Variants in SETBP1 observed in about 807,000 individuals in gnomAD.
SETBP1 encodes SET-binding protein.
Under a neutral mutation model 101.0 loss-of-function variants are expected in SETBP1, and 9 were observed. The ratio of observed to expected loss-of-function variants is 0.09; its 90% CI spans 0.05 to 0.16. The LOEUF (loss-of-function observed/expected upper bound fraction) is 0.16, where lower values mean the gene tolerates loss of function less well. Ranked by LOEUF, SETBP1 falls within the 10% of genes least tolerant of loss-of-function variation. The pLI is 1.00. For missense variants in SETBP1, 1,858 were observed against 2,033.8 expected (o/e 0.91, Z 1.66); for synonymous variants, 818 against 788.5 (o/e 1.04, Z -0.63).
chr18:44,787,005 G>C (rs1197241415), intron 2 of SETBP1, among the ~76,000 whole-genome samples: 10 of 152,214 alleles, frequency 6.6e-5, no homozygotes, highest in Non-Finnish European at 1.3e-4. Flanking sequence ...ATCAAGAAGG[G>C]AGAACATTTT....
chr18:44,999,438 T>C (rs1568019262), intron 4 of SETBP1, among the ~76,000 whole-genome samples: 1 of 152,238 alleles, frequency 6.6e-6, no homozygotes, highest in African/African-American at 2.4e-5. Context: ...TTATATATTA[T>C]GCAGTGTGCG....
intron 4 of SETBP1, among the ~76,000 whole-genome samples, chr18:45,018,827 C>T (rs17795516): frequency 0.19 from 29,161 of 152,108 alleles, 3,124 homozygotes; most frequent in Middle Eastern, 0.32. Context: ...GCAAAATTTA[C>T]GGAGCTATGG....
chr18:44,788,571 C>T (rs897109660), intron 2 of SETBP1, among the ~76,000 whole-genome samples: 2 of 152,088 alleles, frequency 1.3e-5, no homozygotes, highest in Admixed American at 1.3e-4. Context: ...TCTGTGCAGG[C>T]TCAAGACCTT....
At chr18:45,058,169 C>T (rs1367664217) in intron 5 of SETBP1, among the ~76,000 whole-genome samples, 3 of 152,076 alleles carry the variant, frequency 2.0e-5, no homozygotes, top group Non-Finnish European at 4.4e-5. Flanking sequence ...TTAAAACTAA[C>T]AAAGAGCAGG....
At chr18:44,681,744 C>T (rs1235590826) in intron 1 of SETBP1, among the ~76,000 whole-genome samples, 3 of 152,116 alleles carry the variant, frequency 2.0e-5, no homozygotes, top group African/African-American at 7.2e-5. Context: ...GTTGGATTCT[C>T]AGGGTGTGTA....
At chr18:44,685,162 C>T (rs954147132) in intron 1 of SETBP1, among the ~76,000 whole-genome samples, 2 of 152,054 alleles carry the variant, frequency 1.3e-5, no homozygotes, top group Non-Finnish European at 2.9e-5. Context: ...CTGAGCTGAC[C>T]CTCAGGTAGG....
intron 2 of SETBP1, among the ~76,000 whole-genome samples, chr18:44,732,190 T>A (rs749656461): frequency 6.6e-6 from 1 of 152,198 alleles, no homozygotes; most frequent in African/African-American, 2.4e-5. Flanking sequence ...AGATAGACGA[T>A]CACATACCCT....
In SETBP1 at chr18:44,740,313, G is replaced by A. The variant is rs146636270; in HGVS notation, c.486+38481G>A. Among the ~76,000 whole-genome samples the A allele has an allele frequency of 7.6e-3, 1,155 of 152,222 alleles. 16 individuals carry two copies. Among genetic ancestry groups the A allele is most frequent in the African/African-American group, 0.026 (1,074 of 41,516 alleles). ...ACGATATTACCTATTACACATTGTG[G>A]CCATTACAGTGTGCACACCAGGGGA... On this transcript the variant is annotated intron_variant, in intron 2 of 5. Coordinates refer to ENST00000649279, the MANE Select transcript of SETBP1 (RefSeq NM_015559.3).
rs563366481 is a variant in SETBP1, at chr18:45,010,196, C to T, written c.4001-28289C>T. Among the ~76,000 whole-genome samples the T allele has an allele frequency of 2.0e-4, 31 of 152,306 alleles. No homozygotes were observed. The South Asian group carries it at 6.0e-3, about 30-fold the overall frequency. On this transcript the variant is annotated intron_variant, in intron 4 of 5. Coordinates refer to ENST00000649279, the MANE Select transcript of SETBP1 (RefSeq NM_015559.3). ...TGAACTGCTGTGGCTCTTGGAGATT[C>T]AGGCTAAGTGAGACATCAAGGGTGG...
At chr18:44,718,116 G>T (rs548892845) in intron 2 of SETBP1, among the ~76,000 whole-genome samples, 8 of 152,170 alleles carry the variant, frequency 5.3e-5, no homozygotes, top group South Asian at 2.1e-4. Context: ...GTTCATTTTT[G>T]AATATAATCC....
At chr18:44,812,202 A>T (rs932651707) in intron 2 of SETBP1, among the ~76,000 whole-genome samples, 1 of 152,064 alleles carries the variant, frequency 6.6e-6, no homozygotes, top group African/African-American at 2.4e-5. Flanking sequence ...CCCATGGCAC[A>T]TGCACACCCC....
In SETBP1 at chr18:44,950,971, G is replaced by A. The variant is rs201672132; in HGVS notation, c.1631G>A (p.Arg544Gln). 1.6e-5 allele frequency: 26 copies of A among 1,614,072 alleles called. No individual in the cohort carries two copies. Among genetic ancestry groups the A allele is most frequent in the Admixed American group, 5.0e-5 (3 of 60,026 alleles). ...AAACCAAAACCTAGCACCATGCTTC[G>A]AGAGGCAGTTATGGCCACCTCTGAT... ...CSKPKPSTML[R>Q]EAVMATSDKL... is the part of the protein sequence containing the mutation. The change falls in exon 4 of 6, where the codon CGA (arginine) becomes CAA (glutamine). Residue 544 changes from arginine (R) to glutamine (Q), a missense_variant. By Grantham distance (43) the Arg-to-Gln change is conservative. Coordinates refer to ENST00000649279, the MANE Select transcript of SETBP1 (RefSeq NM_015559.3).
At chr18:45,018,839 A>T (rs1031429851) in intron 4 of SETBP1, among the ~76,000 whole-genome samples, 1 of 152,214 alleles carries the variant, frequency 6.6e-6, no homozygotes, top group Non-Finnish European at 1.5e-5. Flanking sequence ...GAGCTATGGC[A>T]TAGGCTCATG....
chr18:44,873,564 G>GGC (rs1401979467), intron 3 of SETBP1, among the ~76,000 whole-genome samples: 3 of 152,146 alleles, frequency 2.0e-5, no homozygotes, highest in African/African-American at 7.2e-5. Context: ...AAAAAAGTGA[G>GGC]GCAGTGGACT....
rs557482972 is a variant in SETBP1 at position 45,044,762 on chromosome 18, G to A, written c.4171+6107G>A. Among the ~76,000 whole-genome samples, 10 of 152,232 alleles carry A rather than the reference G, an allele frequency of 6.6e-5. No homozygotes were observed. The South Asian group carries it at 1.9e-3, about 28-fold the overall frequency. ...TCAAAAAACTAAAGTTATTTCAAAG[G>A]TTCATTCAACTCTTTAATGCAGAAG... On this transcript the variant is annotated intron_variant, in intron 5 of 5. Coordinates refer to ENST00000649279, the MANE Select transcript of SETBP1 (RefSeq NM_015559.3).
chr18:44,767,284 G>T (rs1218895945), intron 2 of SETBP1, among the ~76,000 whole-genome samples: 17 of 152,032 alleles, frequency 1.1e-4, no homozygotes, highest in Admixed American at 1.1e-3. Flanking sequence ...TTACTAGTGT[G>T]AGTGTTTTCT....
At chr18:44,961,949 C>T (rs1178153974) in intron 4 of SETBP1, among the ~76,000 whole-genome samples, 1 of 152,164 alleles carries the variant, frequency 6.6e-6, no homozygotes, top group Non-Finnish European at 1.5e-5. Flanking sequence ...TCTTACAGAG[C>T]TTTTTACTAT....
chr18:44,699,354 C>G (rs894763032), intron 1 of SETBP1, among the ~76,000 whole-genome samples: 2 of 152,164 alleles, frequency 1.3e-5, no homozygotes, highest in African/African-American at 4.8e-5. Flanking sequence ...TCCTAAGGTA[C>G]ATTGATGTCT....
chr18:45,063,809 C>A lies in SETBP1; in HGVS notation c.*111C>A. 7.8e-7 allele frequency: 1 copy of A among 1,281,742 alleles called. No homozygotes were observed. 79.4% of individuals were successfully genotyped at this position (1,281,742 alleles called of 1,614,324 possible). ...TGCAGGGACACCCACGCCCTTCTCTCCAGAAGCCGGGCAGGCAGAATCCGG... is the reference window on the plus strand; with the variant it reads ...TGCAGGGACACCCACGCCCTTCTCTACAGAAGCCGGGCAGGCAGAATCCGG... On this transcript the variant is annotated 3_prime_UTR_variant, in exon 6 of 6. Coordinates refer to ENST00000649279, the MANE Select transcript of SETBP1 (RefSeq NM_015559.3).
Sources: allele counts gnomAD v4.1 joint callset (sites outside exome capture counted in the v4.1 genomes callset), GRCh38; gene constraint gnomAD v4.1.1; transcripts MANE v1.5; gene names NCBI Gene and HGNC (gene_info 2026-07-23, HGNC 2026-07-21).